The following SLC22A16 variants were observed in gnomAD, a reference collection of about 807,000 sequenced individuals.
SLC22A16 encodes the protein solute carrier family 22 member 16.
In SLC22A16, 53 loss-of-function variants were observed where a neutral mutation model predicts 52.9. That is an observed-to-expected ratio of 1.00 (90% CI 0.80 to 1.26). The LOEUF (loss-of-function observed/expected upper bound fraction) is 1.26, where lower values mean the gene tolerates loss of function less well. SLC22A16 is among the 50% of genes most tolerant of loss of function. The pLI, the probability that SLC22A16 is intolerant of heterozygous loss-of-function variation, is 0.00. For missense variants in SLC22A16, 726 were observed against 704.0 expected (o/e 1.03, Z -0.35); for synonymous variants, 291 against 268.8 (o/e 1.08, Z -0.81).
chr6:110,470,604 A>AC (rs1776226452), intron 1 of SLC22A16, among the ~76,000 whole-genome samples: 1 of 151,610 alleles, frequency 6.6e-6, no homozygotes, highest in Admixed American at 6.6e-5. Flanking sequence ...TCAGCCAGTG[A>AC]CCCCCACAGT....
chr6:110,438,369 G>A (rs1015142793), intron 5 of SLC22A16, among the ~76,000 whole-genome samples: 1 of 151,932 alleles, frequency 6.6e-6, no homozygotes, highest in Non-Finnish European at 1.5e-5. Flanking sequence ...CTGTCATCTA[G>A]GCTGGAGTAC....
At chr6:110,462,584 A>G (rs576793170) in intron 1 of SLC22A16, among the ~76,000 whole-genome samples, 1 of 152,332 alleles carries the variant, frequency 6.6e-6, no homozygotes, top group South Asian at 2.1e-4. Flanking sequence ...AAAATAAAGA[A>G]AAAAGAATTT....
At chr6:110,449,712 T>C (rs569759272) in intron 2 of SLC22A16, among the ~76,000 whole-genome samples, 53 of 152,182 alleles carry the variant, frequency 3.5e-4, no homozygotes, top group Admixed American at 8.5e-4. Flanking sequence ...CATCAGATTA[T>C]GTGAGTTTAG....
intron 1 of SLC22A16, among the ~76,000 whole-genome samples, chr6:110,460,052 A>C (rs1240019462): frequency 1.3e-5 from 2 of 152,198 alleles, no homozygotes; most frequent in Non-Finnish European, 2.9e-5. Context: ...CATTCCTATA[A>C]AACCATTAAA....
intron 7 of SLC22A16, among the ~76,000 whole-genome samples, chr6:110,426,811 G>A (rs1363032276): frequency 3.9e-5 from 6 of 152,020 alleles, no homozygotes; most frequent in Non-Finnish European, 8.8e-5. Context: ...TTAGCCGGGC[G>A]AGGTGGCACA....
chr6:110,432,224 T>G (rs1037366674), intron 6 of SLC22A16, among the ~76,000 whole-genome samples: 3 of 152,160 alleles, frequency 2.0e-5, no homozygotes, highest in Non-Finnish European at 4.4e-5. Context: ...AAGTAAAATT[T>G]TGCATGCAGT....
intron 7 of SLC22A16, 26 bp downstream of exon 7, chr6:110,431,145 G>T: frequency 6.3e-7 from 1 of 1,597,952 alleles, no homozygotes; most frequent in South Asian, 1.1e-5. Context: ...TGCCCCCTTG[G>T]GGAGGGTCTG....
Position 110,450,872 on chromosome 6 carries a change from T to C in SLC22A16, c.534-3882A>G, listed in dbSNP as rs546382397. On this transcript the variant is annotated intron_variant, in intron 2 of 7. Transcript: ENST00000368919. ...CAGCCTCCTGATAGCTTCTTGCACC[T>C]CTCTTTGTGACTACAAATCCCTTGC... Among the ~76,000 whole-genome samples the C allele has an allele frequency of 1.3e-3, 191 of 152,296 alleles. 1 individual carries two copies. The highest frequency in any genetic ancestry group is 2.1e-3 in the Non-Finnish European group (142 of 68,024).
intron 6 of SLC22A16, among the ~76,000 whole-genome samples, chr6:110,434,450 G>A (rs1308283223): frequency 2.6e-5 from 4 of 152,148 alleles, no homozygotes; most frequent in African/African-American, 7.2e-5. Context: ...GAGCAAGAAG[G>A]CAGGAGCACT....
intron 6 of SLC22A16, among the ~76,000 whole-genome samples, 159 bp from the exon 7 acceptor site, chr6:110,431,429 A>G (rs13207390): frequency 0.071 from 10,878 of 152,254 alleles, 431 homozygotes; most frequent in Middle Eastern, 0.14. Context: ...GCCCCGCGAG[A>G]TTATAATAGC....
At chr6:110,434,465 G>A (rs932886021) in intron 6 of SLC22A16, among the ~76,000 whole-genome samples, 2 of 152,076 alleles carry the variant, frequency 1.3e-5, no homozygotes, top group Admixed American at 6.5e-5. Flanking sequence ...AGCACTGGGG[G>A]GATTCCAGGT....
At chr6:110,460,708 G>A (rs1486372805) in intron 1 of SLC22A16, among the ~76,000 whole-genome samples, 1 of 152,170 alleles carries the variant, frequency 6.6e-6, no homozygotes, top group Non-Finnish European at 1.5e-5. Flanking sequence ...CTGAGCCACT[G>A]CCCTGCCCAA....
intron 1 of SLC22A16, among the ~76,000 whole-genome samples, chr6:110,461,241 C>A (rs1180560959): frequency 6.6e-6 from 1 of 152,290 alleles, no homozygotes; most frequent in Non-Finnish European, 1.5e-5. Flanking sequence ...GGCTCTGACC[C>A]GAGGCCATTT....
At chr6:110,470,528 C>T (rs1776224014) in intron 1 of SLC22A16, among the ~76,000 whole-genome samples, 1 of 152,150 alleles carries the variant, frequency 6.6e-6, no homozygotes, top group African/African-American at 2.4e-5. Context: ...TTCAGGCGTC[C>T]AGTCTTCAGA....
rs765827295 is a variant in SLC22A16 at position 110,431,168 on chromosome 6, C to T, written c.1521+3G>A. 2 of 1,613,454 alleles carry T rather than the reference C, an allele frequency of 1.2e-6. No individual in the cohort carries two copies. The highest frequency in any genetic ancestry group is 1.7e-5 in the Admixed American group (1 of 60,020). The stretch of plus-strand genomic sequence containing the variant: ...TGGGGAGGGTCTGCAAACTGAAGCA[C>T]ACCTGTGGTATGAAGATCCAAATGC... On this transcript the variant is annotated splice_donor_region_variant and intron_variant, in intron 7 of 7. Coordinates refer to ENST00000368919, the MANE Select transcript of SLC22A16 (RefSeq NM_033125.4).
At chr6:110,445,190 A>T (rs1775122280) in intron 3 of SLC22A16, among the ~76,000 whole-genome samples, 1 of 152,030 alleles carries the variant, frequency 6.6e-6, no homozygotes, top group Non-Finnish European at 1.5e-5. Flanking sequence ...AACCGCCTTG[A>T]TCCCTTCAGC....
chr6:110,458,229 T>G (rs1167479028), intron 1 of SLC22A16, among the ~76,000 whole-genome samples: 1 of 152,164 alleles, frequency 6.6e-6, no homozygotes, highest in Admixed American at 6.5e-5. Context: ...CACGTGACCT[T>G]ACCTATCATT....
chr6:110,436,544 T>C (rs1774738983), intron 5 of SLC22A16, among the ~76,000 whole-genome samples: 1 of 152,170 alleles, frequency 6.6e-6, no homozygotes, highest in Admixed American at 6.5e-5. Context: ...GAGGATCATT[T>C]AAGCCCAGGA....
chr6:110,461,783 G>A (rs566217210), intron 1 of SLC22A16, among the ~76,000 whole-genome samples: 137 of 152,186 alleles, frequency 9.0e-4, no homozygotes, highest in Middle Eastern at 3.4e-3. Flanking sequence ...ACAATCATAC[G>A]CAATATATAC....
Sources: allele counts gnomAD v4.1 joint callset (sites outside exome capture counted in the v4.1 genomes callset), GRCh38; gene constraint gnomAD v4.1.1; transcripts MANE v1.5; gene names NCBI Gene and HGNC (gene_info 2026-07-23, HGNC 2026-07-21).